The following ASH1L variants were observed in gnomAD, a reference collection of about 807,000 sequenced individuals.
ASH1L encodes histone-lysine N-methyltransferase ASH1L.
Under a neutral mutation model 269.0 loss-of-function variants are expected in ASH1L, and 23 were observed. That is an observed-to-expected ratio of 0.09 (90% CI 0.06 to 0.12). ASH1L has a LOEUF of 0.12. Ranked by LOEUF, ASH1L falls within the 10% of genes least tolerant of loss-of-function variation. The pLI, the probability that ASH1L is intolerant of heterozygous loss-of-function variation, is 1.00. For synonymous variants in ASH1L, 1,187 were observed against 1,253.5 expected (o/e 0.95, Z 1.12); for missense variants, 2,912 against 3,567.8 (o/e 0.82, Z 4.68).
rs140346556 is a variant in ASH1L at position 155,533,305 on chromosome 1, G to A, written c.-99-11687C>T. ...CATTTAAGGCTCACAATCAGCATGC[G>A]GTAGTTACTATTATTATTCCCTTTT... is the stretch of plus-strand genomic sequence containing the variant. On this transcript the variant is annotated intron_variant, in intron 1 of 27. Coordinates refer to ENST00000392403, the MANE Select transcript of ASH1L (RefSeq NM_018489.3). Among the ~76,000 whole-genome samples, 662 of 152,000 alleles carry A rather than the reference G, an allele frequency of 4.4e-3. 2 individuals are homozygous for A. The highest frequency in any genetic ancestry group is 6.7e-3 in the Non-Finnish European group (453 of 67,988).
chr1:155,352,096 G>A (rs145791590), intron 17 of ASH1L, among the ~76,000 whole-genome samples: 41 of 151,942 alleles, frequency 2.7e-4, no homozygotes, highest in African/African-American at 9.6e-4. Context: ...AAAAGAGCCC[G>A]TGTTTCATGC....
intron 6 of ASH1L, chr1:155,396,255 C>G (rs1045555341): frequency 6.6e-6 from 1 of 151,908 alleles, no homozygotes; most frequent in African/African-American, 2.4e-5. Flanking sequence ...AAAAAAGGGC[C>G]TTAGAAGAGT....
chr1:155,433,997 G>A (rs1378033427), intron 5 of ASH1L: 1 of 1,587,028 alleles, frequency 6.3e-7, no homozygotes, highest in Admixed American at 1.8e-5. Flanking sequence ...CGAGAAGGAT[G>A]TGGTCCGAGT....
At chr1:155,361,623 C>T (rs942404550) in intron 12 of ASH1L, among the ~76,000 whole-genome samples, 15 of 150,784 alleles carry the variant, frequency 9.9e-5, no homozygotes, top group East Asian at 3.9e-4. Flanking sequence ...CGCTTGAACC[C>T]GGGAGGCGGA....
At chr1:155,487,079 C>G (rs566104200) in intron 2 of ASH1L, among the ~76,000 whole-genome samples, 12 of 152,168 alleles carry the variant, frequency 7.9e-5, no homozygotes, top group Admixed American at 2.6e-4. Flanking sequence ...GCAGGATAAT[C>G]GCTTGAACCC....
intron 6 of ASH1L, among the ~76,000 whole-genome samples, chr1:155,415,541 G>C (rs567280508): frequency 2.0e-4 from 31 of 152,112 alleles, no homozygotes; most frequent in Non-Finnish European, 2.8e-4. Context: ...TATTACTTTT[G>C]TACTGATTTC....
chr1:155,467,788 C>T (rs1318686767), intron 3 of ASH1L, among the ~76,000 whole-genome samples: 1 of 152,044 alleles, frequency 6.6e-6, no homozygotes, highest in Non-Finnish European at 1.5e-5. Flanking sequence ...ACCTTTATTT[C>T]TTATTTCATC....
Position 155,346,425 on chromosome 1 carries a change from C to T in ASH1L, c.7848G>A (p.Glu2616=), listed in dbSNP as rs773601684. Reference sequence around the variant, plus strand: ...GGTCACACTGCTCACAAAGGTAGTGCTCCACATCTGAGTTCACTCCCATAC... The same window carrying T: ...GGTCACACTGCTCACAAAGGTAGTGTTCCACATCTGAGTTCACTCCCATAC... ...CDCMGVNSDV[E]HYLCEQCDPR... The change falls in exon 21 of 28, where the codon GAG becomes GAA. Residue 2616 remains glutamate, a synonymous_variant. Coordinates refer to ENST00000392403, the MANE Select transcript of ASH1L (RefSeq NM_018489.3). The T allele has an allele frequency of 5.0e-6, 8 of 1,613,942 alleles. No individual in the cohort carries two copies. The highest frequency in any genetic ancestry group is 1.7e-5 in the Admixed American group (1 of 59,974).
chr1:155,366,449 CCTTT>C (rs1655427720), intron 12 of ASH1L, among the ~76,000 whole-genome samples: 1 of 152,056 alleles, frequency 6.6e-6, no homozygotes, highest in Non-Finnish European at 1.5e-5. Context: ...TATGGAATAG[CCTTT>C]CTTTTCTTTT....
At chr1:155,468,225 A>C (rs1348647775) in intron 3 of ASH1L, among the ~76,000 whole-genome samples, 1 of 32,042 alleles carries the variant, frequency 3.1e-5, no homozygotes, top group Admixed American at 5.6e-4. Flanking sequence ...CTTTATTATT[A>C]TTATTATTTT....
chr1:155,376,810 G>A (rs1167439578), intron 10 of ASH1L, among the ~76,000 whole-genome samples: 15 of 150,508 alleles, frequency 1.0e-4, no homozygotes, highest in Non-Finnish European at 1.6e-4. Context: ...AGCCAAGATC[G>A]CGCCACTGCA....
At chr1:155,384,563 C>T (rs1221510106) in intron 7 of ASH1L, among the ~76,000 whole-genome samples, 4 of 151,828 alleles carry the variant, frequency 2.6e-5, no homozygotes, top group African/African-American at 7.3e-5. Flanking sequence ...CCATGCCTGG[C>T]TAATTTTTTT....
At chr1:155,484,938 A>AAAAAC (rs1666216266) in intron 2 of ASH1L, among the ~76,000 whole-genome samples, 5 of 135,066 alleles carry the variant, frequency 3.7e-5, no homozygotes, top group Non-Finnish European at 7.6e-5. Flanking sequence ...CAAAAAAAAA[A>AAAAAC]AAAAACAAAA....
chr1:155,509,777 C>T (rs534729263), intron 2 of ASH1L, among the ~76,000 whole-genome samples: 1 of 152,092 alleles, frequency 6.6e-6, no homozygotes, highest in African/African-American at 2.4e-5. Context: ...CCAGCCTGGG[C>T]GACAGAGCGA....
At chr1:155,485,764 C>A (rs1005117433) in intron 2 of ASH1L, among the ~76,000 whole-genome samples, 4 of 152,292 alleles carry the variant, frequency 2.6e-5, no homozygotes, top group Middle Eastern at 3.4e-3. Flanking sequence ...GCAATGAACA[C>A]CTCAAGACCG....
intron 2 of ASH1L, among the ~76,000 whole-genome samples, chr1:155,496,804 AT>A (rs796469141): frequency 8.3e-4 from 120 of 144,024 alleles, no homozygotes; most frequent in Admixed American, 9.0e-4. Context: ...ACGCTTGGCT[AT>A]TTTTTTTTTT....
Position 155,338,387 on chromosome 1 carries a change from T to C in ASH1L, c.8505A>G (p.Ser2835=), listed in dbSNP as rs113909275. ...GCTTTGAGCGCTCAGACTTCCAGGA[T>C]GATCTGCCAGAAGGATATCTGAATT... is the stretch of plus-strand genomic sequence containing the variant. The part of the protein sequence containing the change: ...PDNYKRNGGR[S]SWKSERSKPP... The change falls in exon 27 of 28, where the codon TCA becomes TCG. Residue 2835 remains serine, a synonymous_variant. Coordinates refer to ENST00000392403, the MANE Select transcript of ASH1L (RefSeq NM_018489.3). The C allele has an allele frequency of 3.8e-5, 62 of 1,611,518 alleles. No homozygotes were observed. The African/African-American group carries it at 5.1e-4, about 13-fold the overall frequency.
At chr1:155,419,703 A>C (rs1427078928) in intron 5 of ASH1L, among the ~76,000 whole-genome samples, 1 of 152,216 alleles carries the variant, frequency 6.6e-6, no homozygotes. Context: ...GTACAGGTTA[A>C]ATTGCATAAA....
intron 10 of ASH1L, among the ~76,000 whole-genome samples, chr1:155,376,950 C>T (rs1340832959): frequency 6.6e-6 from 1 of 151,188 alleles, no homozygotes; most frequent in East Asian, 2.0e-4. Context: ...TCTTGTTGCC[C>T]AGGCTGGAGT....
Sources: gnomAD v4.1 joint callset for allele counts (sites outside exome capture counted in the v4.1 genomes callset) on GRCh38, gnomAD v4.1.1 for gene constraint, MANE v1.5 for transcripts, NCBI Gene and HGNC (gene_info 2026-07-23, HGNC 2026-07-21) for gene names.